The following LHCGR variants were observed in gnomAD, a reference collection of about 807,000 sequenced individuals.
LHCGR encodes the protein lutropin-choriogonadotropic hormone receptor.
In LHCGR, 55 loss-of-function variants were observed where a neutral mutation model predicts 60.7. The observed-to-expected ratio is 0.91, with a 90% CI of 0.73 to 1.13. The LOEUF (loss-of-function observed/expected upper bound fraction) is 1.13, where lower values mean the gene tolerates loss of function less well. Among genes scored for constraint, LHCGR ranks in the 50% most tolerant of loss-of-function variants. LHCGR has a pLI of 0.00. For missense variants in LHCGR, 862 were observed against 836.0 expected (o/e 1.03, Z -0.38); for synonymous variants, 337 against 316.5 (o/e 1.06, Z -0.69).
At chr2:48,724,893 TTC>T (rs1180952353) in intron 4 of LHCGR, among the ~76,000 whole-genome samples, 2 of 152,180 alleles carry the variant, frequency 1.3e-5, no homozygotes, top group African/African-American at 4.8e-5. Context: ...GAGATGTCCC[TTC>T]TCTCTGTTTT....
At chr2:48,715,656 A>T (rs1668214338) in intron 6 of LHCGR, among the ~76,000 whole-genome samples, 1 of 152,128 alleles carries the variant, frequency 6.6e-6, no homozygotes, top group African/African-American at 2.4e-5. Flanking sequence ...GGGTGTGAGT[A>T]TGTGTGTAAC....
chr2:48,732,967 G>C, intron 1 of LHCGR: 1 of 532,936 alleles, frequency 1.9e-6, no homozygotes, highest in South Asian at 1.4e-5. Flanking sequence ...GGACAGTGTG[G>C]GAAGAAATCT....
Position 48,687,712 on chromosome 2 carries a change from G to A in LHCGR, c.2085C>T (p.Arg695=). ...GATGTAACAGTTAACACTCTGTGTA[G>A]CGAGTCTTGTCTAGGAGAGCTGTAC... ...CQGTALLDKT[R]YTEC Residue 695 remains arginine, a synonymous_variant, in exon 11 of 11, where the codon CGC becomes CGT. Coordinates refer to ENST00000294954, the MANE Select transcript of LHCGR (RefSeq NM_000233.4). The A allele has an allele frequency of 6.2e-7, 1 of 1,613,302 alleles. No individual in the cohort carries two copies. Among genetic ancestry groups the A allele is most frequent in the Non-Finnish European group, 8.5e-7 (1 of 1,179,316 alleles).
chr2:48,754,434 G>T (rs1010011101), intron 1 of LHCGR, among the ~76,000 whole-genome samples: 1 of 152,036 alleles, frequency 6.6e-6, no homozygotes, highest in Admixed American at 6.5e-5. Flanking sequence ...AGATACTCTT[G>T]TCTTTTGTCT....
At chr2:48,702,410 C>T (rs1229136297) in intron 8 of LHCGR, among the ~76,000 whole-genome samples, 1 of 152,090 alleles carries the variant, frequency 6.6e-6, no homozygotes, top group Non-Finnish European at 1.5e-5. Context: ...CTATCCCTCC[C>T]CCAGCTGCCC....
In LHCGR at chr2:48,730,273, C is replaced by G. The variant is rs532993979; in HGVS notation, c.233+954G>C. ...TGCTTATTTAACTGTAGCTCCTTTTCTCAGTAGGAGGTCTTAATGCATTAA... is the reference window on the plus strand; with the variant it reads ...TGCTTATTTAACTGTAGCTCCTTTTGTCAGTAGGAGGTCTTAATGCATTAA... On this transcript the variant is annotated intron_variant, in intron 2 of 10. Transcript: ENST00000294954. Among the ~76,000 whole-genome samples the G allele has an allele frequency of 1.1e-4, 17 of 152,264 alleles. No individual in the cohort carries two copies. The South Asian group carries it at 3.5e-3, about 32-fold the overall frequency.
At chr2:48,746,065 A>G (rs2103714370) in intron 1 of LHCGR, among the ~76,000 whole-genome samples, 1 of 152,264 alleles carries the variant, frequency 6.6e-6, no homozygotes, top group South Asian at 2.1e-4. Flanking sequence ...TAAAAAATCT[A>G]TGTTTACATA....
chr2:48,752,826 G>A (rs535485436), intron 1 of LHCGR, among the ~76,000 whole-genome samples: 38 of 151,420 alleles, frequency 2.5e-4, no homozygotes, highest in Non-Finnish European at 3.7e-4. Flanking sequence ...CTCATTCCCT[G>A]TATCTTCAGT....
intron 1 of LHCGR, among the ~76,000 whole-genome samples, chr2:48,741,170 T>G (rs1669433985): frequency 6.6e-6 from 1 of 152,118 alleles, no homozygotes; most frequent in Non-Finnish European, 1.5e-5. Context: ...GAGCAAAGCC[T>G]CCAAGAAATA....
intron 1 of LHCGR, among the ~76,000 whole-genome samples, chr2:48,741,213 G>T (rs1462736105): frequency 2.0e-5 from 3 of 152,224 alleles, no homozygotes; most frequent in African/African-American, 7.2e-5. Flanking sequence ...ATCTACGTCT[G>T]ATTGGTGTAC....
At chr2:48,738,778 T>A (rs973421435) in intron 1 of LHCGR, among the ~76,000 whole-genome samples, 1 of 152,218 alleles carries the variant, frequency 6.6e-6, no homozygotes, top group Admixed American at 6.5e-5. Context: ...ATGTAAAATA[T>A]CTCAGTAATT....
At chr2:48,722,396 A>G (rs887767090) in intron 6 of LHCGR, among the ~76,000 whole-genome samples, 3 of 152,114 alleles carry the variant, frequency 2.0e-5, no homozygotes, top group African/African-American at 7.2e-5. Flanking sequence ...TAACTAGAGG[A>G]TATGGTTTAG....
In LHCGR at chr2:48,687,407, C is replaced by A; in HGVS notation, c.*290G>T. 4 of 328,390 alleles carry A rather than the reference C, an allele frequency of 1.2e-5. No individual in the cohort carries two copies. Among genetic ancestry groups the A allele is most frequent in the African/African-American group, 2.1e-5 (1 of 46,750 alleles). 20.3% of individuals were successfully genotyped at this position (328,390 alleles called of 1,614,324 possible). A position where few individuals can be genotyped will look rare whatever the true frequency, so the allele number is the denominator to read the frequency against. ...AATGAAAAAAAAGATATGCAAAATA[C>A]CTCCTCAGTTTTTTAAAAGATTCAT... is the stretch of plus-strand genomic sequence containing the variant. On this transcript the variant is annotated 3_prime_UTR_variant, in exon 11 of 11. Transcript: ENST00000294954.
chr2:48,694,075 G>T, intron 10 of LHCGR, 149 bp downstream of exon 10: 1 of 643,182 alleles, frequency 1.6e-6, no homozygotes, highest in Non-Finnish European at 2.8e-6. Flanking sequence ...CAATTGCAAA[G>T]AAAAAATTCC....
At chr2:48,740,285 AG>A (rs1418582863) in intron 1 of LHCGR, among the ~76,000 whole-genome samples, 1 of 152,246 alleles carries the variant, frequency 6.6e-6, no homozygotes, top group Non-Finnish European at 1.5e-5. Flanking sequence ...GCCATTGCCC[AG>A]GCTTGCTTAG....
At chr2:48,749,860 T>C (rs1669880227) in intron 1 of LHCGR, among the ~76,000 whole-genome samples, 1 of 152,170 alleles carries the variant, frequency 6.6e-6, no homozygotes, top group Non-Finnish European at 1.5e-5. Context: ...CTGTTGCTTG[T>C]TTTTTAGTGT....
chr2:48,748,721 A>C (rs1200519444), intron 1 of LHCGR, among the ~76,000 whole-genome samples: 1 of 152,090 alleles, frequency 6.6e-6, no homozygotes, highest in African/African-American at 2.4e-5. Flanking sequence ...CTATGTGAAA[A>C]CTTTATTTCC....
At chr2:48,748,698 T>G (rs561558084) in intron 1 of LHCGR, among the ~76,000 whole-genome samples, 9 of 152,324 alleles carry the variant, frequency 5.9e-5, no homozygotes, top group African/African-American at 2.2e-4. Context: ...ATTATTACAA[T>G]AATACCTTGT....
chr2:48,726,370 C>A (rs1250689915), intron 3 of LHCGR, among the ~76,000 whole-genome samples: 1 of 152,154 alleles, frequency 6.6e-6, no homozygotes, highest in African/African-American at 2.4e-5. Flanking sequence ...AATAATATTA[C>A]ATAGTCTTCC....
Sources: allele counts gnomAD v4.1 joint callset (sites outside exome capture counted in the v4.1 genomes callset), GRCh38; gene constraint gnomAD v4.1.1; transcripts MANE v1.5; gene names NCBI Gene and HGNC (gene_info 2026-07-23, HGNC 2026-07-21).